ZNF804B: variants seen among roughly 807,000 people sequenced by gnomAD.
The protein encoded by ZNF804B is zinc finger 804B.
In ZNF804B, 80 loss-of-function variants were observed where a neutral mutation model predicts 101.4. The observed-to-expected ratio is 0.79, with a 90% CI of 0.66 to 0.95. ZNF804B has a LOEUF of 0.95. Ranked by LOEUF, ZNF804B falls within the 40% of genes least tolerant of loss-of-function variation. The probability of loss-of-function intolerance (pLI) is 0.00; values close to 1 mark genes in which losing one functional copy is unlikely to be tolerated. For synonymous variants in ZNF804B, 622 were observed against 558.8 expected (o/e 1.11, Z -1.59); for missense variants, 1,673 against 1,561.9 (o/e 1.07, Z -1.20).
At chr7:88,789,603 A>T (rs115080670) in intron 1 of ZNF804B, among the ~76,000 whole-genome samples, 36 of 152,248 alleles carry the variant, frequency 2.4e-4, no homozygotes, top group African/African-American at 8.7e-4. Context: ...TTTTTACTAC[A>T]TACATCCTGT....
At chr7:88,926,452 G>A (rs1026421914) in intron 1 of ZNF804B, among the ~76,000 whole-genome samples, 6 of 143,200 alleles carry the variant, frequency 4.2e-5, no homozygotes, top group East Asian at 4.0e-4. Context: ...AAAAATAGCC[G>A]GGCGTAGTGG....
Position 89,336,752 on chromosome 7 carries a change from C to T in ZNF804B, c.3770C>T (p.Pro1257Leu), listed in dbSNP as rs1450634093. 6.2e-7 allele frequency: 1 copy of T among 1,614,002 alleles called. No homozygotes were observed. The highest frequency in any genetic ancestry group is 1.3e-5 in the African/African-American group (1 of 74,916). The change falls in exon 4 of 4, where the codon CCT becomes CTT. Residue 1257 changes from proline (P) to leucine (L), a missense_variant. Physicochemically the swap from Pro to Leu is moderately conservative, Grantham distance 98. Transcript: ENST00000333190. ...SFSTLTPTII[P>L]AHPTFLAGHP... The stretch of plus-strand genomic sequence containing the variant: ...TCGACTCTGACTCCAACCATTATCC[C>T]TGCACACCCCACTTTCTTAGCAGGT...
Position 89,031,868 on chromosome 7 carries a change from A to G in ZNF804B, c.109-186287A>G, listed in dbSNP as rs10486894. ...TAATAGGCAACCTTTTCAAAAATCA[A>G]TGTCGTTCTGAGGCTGAGATTCATA... On this transcript the variant is annotated intron_variant, in intron 1 of 3. Transcript: ENST00000333190. 0.01 allele frequency among the ~76,000 whole-genome samples: 1,534 copies of G among 152,206 alleles called. 100 individuals carry two copies. The East Asian group carries it at 0.18, about 18-fold the overall frequency.
chr7:89,165,993 A>G (rs557952871), intron 1 of ZNF804B, among the ~76,000 whole-genome samples: 1 of 152,170 alleles, frequency 6.6e-6, no homozygotes, highest in Non-Finnish European at 1.5e-5. Context: ...TTATTTGTAT[A>G]TAAGTTTTAT....
intron 2 of ZNF804B, among the ~76,000 whole-genome samples, chr7:89,219,733 T>A (rs1444433655): frequency 1.1e-5 from 1 of 94,968 alleles, no homozygotes; most frequent in Admixed American, 9.8e-5. Flanking sequence ...CATGTTGGAA[T>A]GTGTGGGTAA....
At chr7:89,299,894 A>G (rs548670645) in intron 2 of ZNF804B, among the ~76,000 whole-genome samples, 9 of 152,104 alleles carry the variant, frequency 5.9e-5, no homozygotes, top group Non-Finnish European at 7.4e-5. Context: ...AAAGGAAAAC[A>G]TCTTACTGAA....
At chr7:88,794,831 G>T (rs753133276) in intron 1 of ZNF804B, 5 of 1,613,736 alleles carry the variant, frequency 3.1e-6, no homozygotes, top group Non-Finnish European at 3.4e-6. Context: ...TGTAGTCGTT[G>T]TTTCTCTTCT....
chr7:89,171,998 C>G (rs1302763577), intron 1 of ZNF804B, among the ~76,000 whole-genome samples: 2 of 146,088 alleles, frequency 1.4e-5, no homozygotes, highest in East Asian at 6.7e-4. Context: ...CAGAAATTGA[C>G]TTGTTGTATA....
At chr7:88,988,671 T>C (rs1793800647) in intron 1 of ZNF804B, among the ~76,000 whole-genome samples, 1 of 152,164 alleles carries the variant, frequency 6.6e-6, no homozygotes, top group South Asian at 2.1e-4. Context: ...ATGTGAGGTT[T>C]AGAGACTGAT....
intron 1 of ZNF804B, among the ~76,000 whole-genome samples, chr7:88,926,059 C>G (rs1221737110): frequency 6.6e-6 from 1 of 152,080 alleles, no homozygotes; most frequent in Non-Finnish European, 1.5e-5. Flanking sequence ...AAACAGAAAT[C>G]TTGTTCTAGA....
At chr7:88,821,918 T>A (rs1790987982) in intron 1 of ZNF804B, among the ~76,000 whole-genome samples, 1 of 152,148 alleles carries the variant, frequency 6.6e-6, no homozygotes, top group African/African-American at 2.4e-5. Context: ...GCAAAAAGTA[T>A]GAGGAATGCT....
intron 1 of ZNF804B, among the ~76,000 whole-genome samples, chr7:88,883,537 T>G (rs939730981): frequency 6.6e-6 from 1 of 152,044 alleles, no homozygotes. Flanking sequence ...CTAGCTTAAG[T>G]GGAGGTGACC....
At chr7:88,951,096 A>T (rs1376103925) in intron 1 of ZNF804B, among the ~76,000 whole-genome samples, 1 of 151,854 alleles carries the variant, frequency 6.6e-6, no homozygotes, top group African/African-American at 2.4e-5. Context: ...GAATTTGTGC[A>T]ATTTCTCCAA....
intron 1 of ZNF804B, among the ~76,000 whole-genome samples, chr7:89,209,039 TAATC>T (rs1788762637): frequency 6.6e-6 from 1 of 151,938 alleles, no homozygotes; most frequent in Non-Finnish European, 1.5e-5. Context: ...ATAATAATAA[TAATC>T]CCTGTTCAAT....
intron 1 of ZNF804B, among the ~76,000 whole-genome samples, chr7:89,035,534 T>C (rs1788912557): frequency 6.6e-6 from 1 of 151,952 alleles, no homozygotes; most frequent in Non-Finnish European, 1.5e-5. Flanking sequence ...AAGACATAAA[T>C]CTTCAGAATT....
chr7:88,906,508 A>G (rs1792472892), intron 1 of ZNF804B, among the ~76,000 whole-genome samples: 1 of 152,140 alleles, frequency 6.6e-6, no homozygotes, highest in African/African-American at 2.4e-5. Flanking sequence ...GGAGTTATTC[A>G]GGAGCAAGTT....
At chr7:88,793,695 A>G (rs568855345) in intron 1 of ZNF804B, among the ~76,000 whole-genome samples, 1 of 152,266 alleles carries the variant, frequency 6.6e-6, no homozygotes, top group South Asian at 2.1e-4. Flanking sequence ...ATATTATATT[A>G]CATTATATGT....
At chr7:89,037,331 A>C (rs1180095794) in intron 1 of ZNF804B, among the ~76,000 whole-genome samples, 1 of 152,094 alleles carries the variant, frequency 6.6e-6, no homozygotes, top group Non-Finnish European at 1.5e-5. Context: ...GTTGTGTTTT[A>C]CCAGTGTATA....
intron 1 of ZNF804B, among the ~76,000 whole-genome samples, chr7:88,979,567 T>C (rs1793665863): frequency 6.6e-6 from 1 of 151,500 alleles, no homozygotes; most frequent in African/African-American, 2.4e-5. Context: ...CTCCTTTTTA[T>C]GTTATTTGCT....
Sources: gnomAD v4.1 joint callset for allele counts (sites outside exome capture counted in the v4.1 genomes callset) on GRCh38, gnomAD v4.1.1 for gene constraint, MANE v1.5 for transcripts, NCBI Gene and HGNC (gene_info 2026-07-23, HGNC 2026-07-21) for gene names.